The following MAML3 variants were observed in gnomAD, a reference collection of about 807,000 sequenced individuals.
The protein encoded by MAML3 is mastermind like transcriptional coactivator 3.
MAML3 carries 27 observed loss-of-function variants against 101.9 expected under a neutral mutation model. The observed-to-expected ratio is 0.27, with a 90% CI of 0.20 to 0.37. The LOEUF (loss-of-function observed/expected upper bound fraction) is 0.37. Among genes scored for constraint, MAML3 ranks in the 10% least tolerant of loss-of-function variants. The pLI, the probability that MAML3 is intolerant of heterozygous loss-of-function variation, is 1.00. For missense variants in MAML3, 1,316 were observed against 1,444.9 expected, an observed-to-expected ratio of 0.91 and a Z score of 1.45; for synonymous variants, 501 against 555.9, an observed-to-expected ratio of 0.90 and a Z score of 1.39.
At chr4:139,973,506 C>T (rs1004758587) in intron 1 of MAML3, among the ~76,000 whole-genome samples, 1 of 152,176 alleles carries the variant, frequency 6.6e-6, no homozygotes, top group Non-Finnish European at 1.5e-5. Flanking sequence ...TTCTGGACCA[C>T]AGACTCTTGG....
In MAML3 at chr4:140,152,853, C is replaced by A; in HGVS notation, c.468+7G>T. ...GCGCCGCAAGCCCGCTGCCCGTGCGCCCTCACCATGATCAGCGTGTGGTTC... is the reference window on the plus strand; with the variant it reads ...GCGCCGCAAGCCCGCTGCCCGTGCGACCTCACCATGATCAGCGTGTGGTTC... On this transcript the variant is annotated splice_region_variant and intron_variant, in intron 1 of 4. Coordinates refer to ENST00000509479, the MANE Select transcript of MAML3 (RefSeq NM_018717.5). The A allele has an allele frequency of 6.2e-7, 1 of 1,608,504 alleles. No homozygotes were observed. Among genetic ancestry groups the A allele is most frequent in the South Asian group, 1.1e-5 (1 of 90,704 alleles).
Position 139,976,334 on chromosome 4 carries a change from T to A in MAML3, c.469-85367A>T, listed in dbSNP as rs1369991406. Among the ~76,000 whole-genome samples the A allele has an allele frequency of 5.3e-5, 8 of 152,284 alleles. 1 individual carries two copies. The highest frequency in any genetic ancestry group is 1.9e-4 in the African/African-American group (8 of 41,548). On this transcript the variant is annotated intron_variant, in intron 1 of 4. Transcript: ENST00000509479. ...CAGATGACAAGAAATCTTTTTAACA[T>A]CAGCCTTGGTGTAATAAGCATCTTG...
At chr4:139,990,435 G>A (rs1578632108) in intron 1 of MAML3, among the ~76,000 whole-genome samples, 3 of 148,876 alleles carry the variant, frequency 2.0e-5, no homozygotes, top group Non-Finnish European at 3.0e-5. Context: ...CAAACCCACA[G>A]CCAATATCAT....
chr4:140,069,802 C>G (rs1371241383), intron 1 of MAML3, among the ~76,000 whole-genome samples: 1 of 151,076 alleles, frequency 6.6e-6, no homozygotes, highest in Non-Finnish European at 1.5e-5. Flanking sequence ...GGAGAAAGAT[C>G]GAACTGGAGT....
At chr4:140,048,559 C>T (rs1727219253) in intron 1 of MAML3, among the ~76,000 whole-genome samples, 1 of 152,176 alleles carries the variant, frequency 6.6e-6, no homozygotes, top group South Asian at 2.1e-4. Flanking sequence ...AAGGTCAGAT[C>T]TACAAAGCCA....
chr4:139,939,449 CT>C (rs1459746175), intron 1 of MAML3, among the ~76,000 whole-genome samples: 1 of 152,126 alleles, frequency 6.6e-6, no homozygotes, highest in Admixed American at 6.6e-5. Flanking sequence ...TTTCTGCCTA[CT>C]GATCTCAGTG....
At chr4:140,090,436 A>G (rs1292570750) in intron 1 of MAML3, among the ~76,000 whole-genome samples, 3 of 152,268 alleles carry the variant, frequency 2.0e-5, no homozygotes, top group Non-Finnish European at 4.4e-5. Flanking sequence ...CTAACATTTA[A>G]TCAGCACTTA....
chr4:139,755,340 C>T (rs1877239), intron 2 of MAML3, among the ~76,000 whole-genome samples: 19,592 of 152,212 alleles, frequency 0.13, 1,564 homozygotes, highest in East Asian at 0.25. Flanking sequence ...TGGTGGCTCA[C>T]GCCTGTAATC....
intron 1 of MAML3, among the ~76,000 whole-genome samples, chr4:140,144,160 A>G (rs1464930400): frequency 3.3e-5 from 5 of 152,068 alleles, no homozygotes; most frequent in African/African-American, 1.2e-4. Flanking sequence ...CCTTCTAGAC[A>G]CCTGTAGCAG....
intron 2 of MAML3, among the ~76,000 whole-genome samples, chr4:139,765,525 CA>C (rs1370850629): frequency 6.6e-6 from 1 of 152,214 alleles, no homozygotes; most frequent in African/African-American, 2.4e-5. Flanking sequence ...ATGTAATAAT[CA>C]TATTTTCAGC....
chr4:140,069,117 A>G (rs928134101), intron 1 of MAML3, among the ~76,000 whole-genome samples: 1 of 152,182 alleles, frequency 6.6e-6, no homozygotes, highest in Non-Finnish European at 1.5e-5. Flanking sequence ...CACATAATCA[A>G]TATGTGATTC....
chr4:139,853,616 G>A (rs2111158037), intron 2 of MAML3, among the ~76,000 whole-genome samples: 1 of 152,212 alleles, frequency 6.6e-6, no homozygotes, highest in Middle Eastern at 3.4e-3. Context: ...GAAGAGAACA[G>A]CCAAGCTGAT....
chr4:139,919,921 G>T (rs1321935486), intron 1 of MAML3, among the ~76,000 whole-genome samples: 1 of 152,266 alleles, frequency 6.6e-6, no homozygotes, highest in Middle Eastern at 3.4e-3. Context: ...AGAGTCAAAA[G>T]AATAATAGAT....
chr4:140,066,483 C>T (rs1028678004), intron 1 of MAML3, among the ~76,000 whole-genome samples: 2 of 152,194 alleles, frequency 1.3e-5, no homozygotes, highest in Non-Finnish European at 2.9e-5. Flanking sequence ...ACCCAGAGTG[C>T]TCCCTAATGA....
intron 1 of MAML3, among the ~76,000 whole-genome samples, chr4:140,106,115 GAAAAAAAAAAAAA>G (rs59770042): frequency 1.1e-5 from 1 of 90,074 alleles, no homozygotes; most frequent in Non-Finnish European, 2.1e-5. Flanking sequence ...CTGACTTCAA[GAAAAAAAAAAAAA>G]AAAAAAAAAA....
chr4:139,754,998 G>A (rs554946214), intron 2 of MAML3, among the ~76,000 whole-genome samples: 2 of 152,128 alleles, frequency 1.3e-5, no homozygotes, highest in Admixed American at 6.5e-5. Flanking sequence ...CCTCTTCGGC[G>A]TGGCGAATGC....
At chr4:139,834,845 G>A (rs1258436748) in intron 2 of MAML3, among the ~76,000 whole-genome samples, 1 of 152,166 alleles carries the variant, frequency 6.6e-6, no homozygotes, top group Non-Finnish European at 1.5e-5. Context: ...TGGGAGAAGG[G>A]GGAGGGAGGG....
chr4:139,827,798 G>C lies in MAML3; in HGVS notation c.2079+61559C>G, dbSNP rs1045146024. 2.6e-5 allele frequency among the ~76,000 whole-genome samples: 4 copies of C among 152,332 alleles called. No individual in the cohort carries two copies. In the East Asian group the frequency reaches 7.7e-4, roughly 29 times the overall value. ...AGAAATGAGTCTTTAATAAAGAATT[G>C]ATGAGGATGATGACTGCTGATAATA... is the stretch of plus-strand genomic sequence containing the variant. On this transcript the variant is annotated intron_variant, in intron 2 of 4. Coordinates refer to ENST00000509479, the MANE Select transcript of MAML3 (RefSeq NM_018717.5).
At chr4:140,030,008 T>C (rs187250992) in intron 1 of MAML3, among the ~76,000 whole-genome samples, 37 of 152,102 alleles carry the variant, frequency 2.4e-4, no homozygotes, top group Non-Finnish European at 4.9e-4. Context: ...TAGGAGTGCA[T>C]TTAACATTCT....
Sources: allele counts gnomAD v4.1 joint callset (sites outside exome capture counted in the v4.1 genomes callset), GRCh38; gene constraint gnomAD v4.1.1; transcripts MANE v1.5; gene names NCBI Gene and HGNC (gene_info 2026-07-23, HGNC 2026-07-21).